Variants in SDR42E2 observed in about 807,000 individuals in gnomAD.
The protein encoded by SDR42E2 is putative short-chain dehydrogenase/reductase family 42E member 2.
SDR42E2 carries 20 observed loss-of-function variants against 10.5 expected under a neutral mutation model. The ratio of observed to expected loss-of-function variants is 1.90; its 90% CI spans 1.34 to 2.77. The LOEUF (loss-of-function observed/expected upper bound fraction) is 2.77. Ranked by LOEUF, SDR42E2 falls within the 30% of genes most tolerant of loss-of-function variation. The pLI, the probability that SDR42E2 is intolerant of heterozygous loss-of-function variation, is 0.00. For missense variants in SDR42E2, 162 were observed against 104.2 expected (o/e 1.55, Z -2.42); for synonymous variants, 72 against 39.2 (o/e 1.84, Z -3.12).
At chr16:22,174,958 C>T (rs1328900679) in intron 7 of SDR42E2, among the ~76,000 whole-genome samples, 2 of 152,120 alleles carry the variant, frequency 1.3e-5, no homozygotes, top group Non-Finnish European at 2.9e-5. Flanking sequence ...CACCTGGGGT[C>T]ATTTCCACTC....
chr16:22,184,055 C>A (rs2046718046), intron 10 of SDR42E2, 126 bp from the exon 11 acceptor site: 2 of 395,256 alleles, frequency 5.1e-6, no homozygotes, highest in East Asian at 7.2e-5. Context: ...GCAGGGTCTG[C>A]CCCCTGGGGT....
At chr16:22,165,742 G>A (rs1461705552) in intron 2 of SDR42E2, 105 bp downstream of exon 2, 1 of 401,878 alleles carries the variant, frequency 2.5e-6, no homozygotes, top group African/African-American at 2.1e-5. Flanking sequence ...TGCCATTCCA[G>A]GGCCTGGACT....
At chr16:22,170,683 C>T (rs762111348) in intron 5 of SDR42E2, 150 bp from the exon 6 acceptor site, 81 of 642,528 alleles carry the variant, frequency 1.3e-4, no homozygotes, top group Non-Finnish European at 1.9e-4. Context: ...CTGGGAGGGT[C>T]CTGGGGGTCC....
intron 7 of SDR42E2, 96 bp downstream of exon 7, chr16:22,172,427 C>A: frequency 1.4e-6 from 1 of 691,502 alleles, no homozygotes; most frequent in South Asian, 1.5e-5. Context: ...GTGTCTGAGG[C>A]CCACCTTCCT....
chr16:22,174,026 T>C (rs1567240480), intron 7 of SDR42E2, among the ~76,000 whole-genome samples: 1 of 149,744 alleles, frequency 6.7e-6, no homozygotes, highest in South Asian at 2.1e-4. Flanking sequence ...ATTTGGAGAG[T>C]CGGAGGCTTA....
At chr16:22,172,529 C>T in intron 7 of SDR42E2, among the ~76,000 whole-genome samples, 198 bp downstream of exon 7, 1 of 152,182 alleles carries the variant, frequency 6.6e-6, no homozygotes, top group East Asian at 1.9e-4. Context: ...GGGATACAGC[C>T]CAGAAGAAGT....
rs371120902 is a variant in SDR42E2 at position 22,181,611 on chromosome 16, C to T, written c.765C>T (p.His255=). 2.7e-4 allele frequency: 188 copies of T among 703,032 alleles called. 2 individuals are homozygous for T. The East Asian group carries it at 3.8e-3, about 14-fold the overall frequency. 43.5% of individuals were successfully genotyped at this position (703,032 alleles called of 1,614,324 possible). The change falls in exon 9 of 13, where the codon CAC becomes CAT. Residue 255 remains histidine (H), a synonymous_variant. Transcript: ENST00000602312. ...WVHVHNLVQA[H]VLAAEALTTA... is the part of the protein sequence containing the mutation. ...ACGTACACAATCTGGTGCAGGCACA[C>T]GTGCTGGCGGCCGAGGCCCTCACCA...
rs1213327032 is a variant in SDR42E2, at chr16:22,172,336, G to C, written c.589+5G>C. On this transcript the variant is annotated splice_donor_5th_base_variant and intron_variant, in intron 7 of 12. Transcript: ENST00000602312. ...CCAATGGGATGCCTCTCCCAGGTGA[G>C]TATCATGGGGCTCTGCTTGTACCAA... 4.3e-6 allele frequency: 3 copies of C among 703,382 alleles called. No individual in the cohort carries two copies. In the African/African-American group the frequency reaches 5.2e-5, roughly 12 times the overall value. The allele number at this position is 703,382 out of a possible 1,614,324, so 43.6% of individuals were successfully genotyped here. A position where few individuals can be genotyped will look rare whatever the true frequency, so the allele number is the denominator to read the frequency against.
intron 6 of SDR42E2, among the ~76,000 whole-genome samples, chr16:22,171,290 G>A (rs1176049217): frequency 6.6e-6 from 1 of 152,080 alleles, no homozygotes; most frequent in African/African-American, 2.4e-5. Context: ...CCCCAGGCTG[G>A]AGTGCAGTGG....
At chr16:22,178,832 C>G (rs1052905792) in intron 8 of SDR42E2, among the ~76,000 whole-genome samples, 1 of 152,124 alleles carries the variant, frequency 6.6e-6, no homozygotes, top group Non-Finnish European at 1.5e-5. Context: ...GAGGGGACAG[C>G]TTGGGCACAA....
At chr16:22,172,132 G>A (rs1344831214) in intron 6 of SDR42E2, 124 bp from the exon 7 acceptor site, 2 of 659,178 alleles carry the variant, frequency 3.0e-6, no homozygotes, top group Middle Eastern at 2.5e-4. Flanking sequence ...AGGCCATGGG[G>A]CTCAGGGCCT....
At chr16:22,183,458 A>G (rs977485279) in intron 10 of SDR42E2, among the ~76,000 whole-genome samples, 4 of 152,176 alleles carry the variant, frequency 2.6e-5, no homozygotes, top group African/African-American at 9.7e-5. Context: ...TGGAAGAGAC[A>G]AAAGCGCAAG....
At chr16:22,189,903 C>A (rs2046759281) in intron 12 of SDR42E2, among the ~76,000 whole-genome samples, 2 of 152,156 alleles carry the variant, frequency 1.3e-5, no homozygotes, top group South Asian at 4.1e-4. Flanking sequence ...TTCAGCGGGG[C>A]TGGAGGGGGC....
At chr16:22,175,711 G>C (rs967220537) in intron 7 of SDR42E2, among the ~76,000 whole-genome samples, 3 of 151,914 alleles carry the variant, frequency 2.0e-5, no homozygotes, top group African/African-American at 7.3e-5. Context: ...AGTCATTTTA[G>C]GCTGGGCACA....
chr16:22,175,159 G>A (rs1006625797), intron 7 of SDR42E2, among the ~76,000 whole-genome samples: 1 of 152,018 alleles, frequency 6.6e-6, no homozygotes, highest in Non-Finnish European at 1.5e-5. Context: ...AAACTTGATG[G>A]CTTAAAACAA....
At chr16:22,170,986 C>T (rs962263177) in intron 6 of SDR42E2, 35 bp downstream of exon 6, 18 of 702,366 alleles carry the variant, frequency 2.6e-5, no homozygotes, top group African/African-American at 7.0e-5. Context: ...GCAGGACCCG[C>T]GGGCCCGGGA....
rs115442489 is a variant in SDR42E2, at chr16:22,178,297, C to T, written c.672+85C>T. Reference sequence around the variant, plus strand: ...TGGTCGGGCCCTCCCAGCCCCTGGTCGCTGCATCAGTCTCGAGGCTAAGTG... The same window carrying T: ...TGGTCGGGCCCTCCCAGCCCCTGGTTGCTGCATCAGTCTCGAGGCTAAGTG... On this transcript the variant is annotated intron_variant, in intron 8 of 12. Coordinates refer to ENST00000602312, the MANE Select transcript of SDR42E2 (RefSeq NM_001394319.2). The T allele has an allele frequency of 1.4e-3, 883 of 653,806 alleles. 5 individuals carry two copies. The African/African-American group carries it at 0.014, about 11-fold the overall frequency. 40.5% of individuals were successfully genotyped at this position (653,806 alleles called of 1,614,324 possible).
chr16:22,170,992 C>G (rs559012144), intron 6 of SDR42E2, 41 bp downstream of exon 6: 2 of 702,146 alleles, frequency 2.8e-6, no homozygotes, highest in Non-Finnish European at 5.2e-6. Context: ...CCCGCGGGCC[C>G]GGGACCCACA....
At chr16:22,169,544 CCT>C (rs1361548576) in intron 5 of SDR42E2, 42 bp downstream of exon 5, 6 of 703,118 alleles carry the variant, frequency 8.5e-6, no homozygotes, top group African/African-American at 1.7e-5. Context: ...TGCCTCTCCC[CCT>C]CTCTCCCTTC....
Sources: allele counts gnomAD v4.1 joint callset (sites outside exome capture counted in the v4.1 genomes callset), GRCh38; gene constraint gnomAD v4.1.1; transcripts MANE v1.5; gene names NCBI Gene and HGNC (gene_info 2026-07-23, HGNC 2026-07-21).